OSMR: variants seen among roughly 807,000 people sequenced by gnomAD.
OSMR encodes the protein oncostatin M receptor, also known as oncostatin-M-specific receptor subunit beta.
OSMR carries 81 observed loss-of-function variants against 99.9 expected under a neutral mutation model. The observed-to-expected ratio is 0.81, with a 90% CI of 0.68 to 0.97. OSMR has a LOEUF of 0.97. Among genes scored for constraint, OSMR ranks in the 50% least tolerant of loss-of-function variants. OSMR has a pLI of 0.00. For missense variants in OSMR, 1,099 were observed against 1,153.4 expected (o/e 0.95, Z 0.68); for synonymous variants, 406 against 410.4 (o/e 0.99, Z 0.13).
intron 7 of OSMR, among the ~76,000 whole-genome samples, chr5:38,887,148 A>G (rs187635793): frequency 6.6e-6 from 1 of 152,292 alleles, no homozygotes; most frequent in African/African-American, 2.4e-5. Context: ...TATTCTTGAT[A>G]CTGATTGTTG....
At position 38,887,050 on chromosome 5, in the gene OSMR, A is replaced by T. The variant is rs1033811114; in HGVS notation, c.991+860A>T. ...TATTTCATGATAGTCTTGAGATTGA[A>T]TCTCATGAGTATTTTGGCCACATCT... On this transcript the variant is annotated intron_variant, in intron 7 of 17. Coordinates refer to ENST00000274276, the MANE Select transcript of OSMR (RefSeq NM_003999.3). Among the ~76,000 whole-genome samples, 5 of 152,148 alleles carry T rather than the reference A, an allele frequency of 3.3e-5. No homozygotes were observed. In the South Asian group the frequency reaches 8.3e-4, roughly 25 times the overall value.
chr5:38,904,824 A>G (rs1452033908), intron 9 of OSMR, among the ~76,000 whole-genome samples: 1 of 152,208 alleles, frequency 6.6e-6, no homozygotes, highest in Admixed American at 6.5e-5. Context: ...TTAATTCAGG[A>G]CAGTGGAAGT....
intron 7 of OSMR, among the ~76,000 whole-genome samples, chr5:38,891,469 G>A (rs930432720): frequency 2.0e-5 from 3 of 152,214 alleles, no homozygotes; most frequent in Non-Finnish European, 2.9e-5. Flanking sequence ...TACAAAGGAG[G>A]CAGCAGGCCC....
intron 1 of OSMR, chr5:38,941,419 A>C (rs1271976557): frequency 4.3e-6 from 1 of 231,906 alleles, no homozygotes; most frequent in Non-Finnish European, 8.5e-6. Context: ...AGTATTATTT[A>C]ATGCTTTCCT....
chr5:38,906,746 T>C (rs574841762), intron 9 of OSMR, among the ~76,000 whole-genome samples: 14 of 152,288 alleles, frequency 9.2e-5, no homozygotes, highest in Admixed American at 3.3e-4. Context: ...TGTCAATTAT[T>C]AGGCAAAAAA....
intron 2 of OSMR, 119 bp downstream of exon 2, chr5:38,869,236 G>T: frequency 1.2e-6 from 1 of 838,812 alleles, no homozygotes; most frequent in South Asian, 1.3e-5. Context: ...AAATTCCTGA[G>T]TATCTCCCAT....
chr5:38,936,461 CTG>C (rs1251010297), downstream of OSMR, among the ~76,000 whole-genome samples: 4 of 152,302 alleles, frequency 2.6e-5, no homozygotes, highest in African/African-American at 9.6e-5. Context: ...CGGTCCTCAC[CTG>C]TGTGTGGGGG....
At position 38,882,183 on chromosome 5, in the gene OSMR, C is replaced by T. The variant is rs79215370; in HGVS notation, c.418+419C>T. 9.2e-3 allele frequency among the ~76,000 whole-genome samples: 1,397 copies of T among 152,300 alleles called. 147 individuals carry two copies. The East Asian group carries it at 0.23, about 25-fold the overall frequency. On this transcript the variant is annotated intron_variant, in intron 4 of 17. Transcript: ENST00000274276. ...GATAGTATAAGCTTTTCAGAGCATA[C>T]AGTCGCTGTTGTGACTATTCAACTC...
chr5:38,927,419 C>T (rs1455696411), intron 15 of OSMR, among the ~76,000 whole-genome samples: 2 of 152,320 alleles, frequency 1.3e-5, no homozygotes, highest in East Asian at 3.9e-4. Flanking sequence ...GAAATCTAGG[C>T]GGAGGTTCCC....
In OSMR at chr5:38,876,348, T is replaced by C. The variant is rs777560622; in HGVS notation, c.221T>C (p.Ile74Thr). The C allele has an allele frequency of 1.2e-5, 20 of 1,613,478 alleles. No homozygotes were observed. Among genetic ancestry groups the C allele is most frequent in the African/African-American group, 4.0e-5 (3 of 74,896 alleles). Residue 74 changes from isoleucine to threonine, a missense_variant, in exon 3 of 18, where the codon ATT becomes ACT. Physicochemically the swap from Ile to Thr is moderately conservative, Grantham distance 89 (BLOSUM62 -1). Coordinates refer to ENST00000274276, the MANE Select transcript of OSMR (RefSeq NM_003999.3). ...GTATTTCAGATCCAGATCAGTAGGA[T>C]TGAAACATCCAATGTCATCTGGGTG... ...KMVFQIQISR[I>T]ETSNVIWVGN...
Position 38,933,136 on chromosome 5 carries a change from C to T in OSMR, c.2632C>T (p.Pro878Ser). The change falls in exon 18 of 18, where the codon CCA (proline) becomes TCA (serine). Residue 878 changes from proline (P) to serine (S), a missense_variant. By Grantham distance (74) the Pro-to-Ser change is moderately conservative. Coordinates refer to ENST00000274276, the MANE Select transcript of OSMR (RefSeq NM_003999.3). ...SGSCGHVPVS[P>S]KAPSMLGLMT... ...CTCTTGTGGCCATGTTCCAGTATCC[C>T]CAAAAGCCCCAAGTATGCTGGGACT... is the stretch of plus-strand genomic sequence containing the variant. The T allele has an allele frequency of 1.2e-6, 2 of 1,614,162 alleles. No homozygotes were observed. The highest frequency in any genetic ancestry group is 2.2e-5 in the South Asian group (2 of 91,088).
At chr5:38,858,986 A>G (rs948536184) in intron 1 of OSMR, among the ~76,000 whole-genome samples, 1 of 152,162 alleles carries the variant, frequency 6.6e-6, no homozygotes, top group East Asian at 1.9e-4. Context: ...AGTTCCTTGC[A>G]TATTCTGGAT....
chr5:38,904,582 T>A, intron 9 of OSMR, 79 bp downstream of exon 9: 2 of 1,552,114 alleles, frequency 1.3e-6, no homozygotes, highest in Non-Finnish European at 1.8e-6. Context: ...ATTTTGGTTG[T>A]ACCAAAAACT....
At chr5:38,908,291 A>G (rs112544869) in intron 9 of OSMR, among the ~76,000 whole-genome samples, 6 of 152,294 alleles carry the variant, frequency 3.9e-5, no homozygotes, top group African/African-American at 1.2e-4. Flanking sequence ...CACCACTGCC[A>G]GTACCAGTGC....
chr5:38,924,933 G>A (rs1248701159), intron 14 of OSMR: 1 of 190,046 alleles, frequency 5.3e-6, no homozygotes, highest in Admixed American at 6.6e-5. Context: ...CCCCTTGCAA[G>A]CTCTTACTGT....
intron 7 of OSMR, among the ~76,000 whole-genome samples, chr5:38,895,069 A>C (rs2112478328): frequency 6.6e-6 from 1 of 152,252 alleles, no homozygotes; most frequent in African/African-American, 2.4e-5. Flanking sequence ...GAGACATAAC[A>C]TACCAAAATC....
In OSMR at chr5:38,885,396, A is replaced by G. The variant is rs770452260; in HGVS notation, c.751A>G (p.Lys251Glu). ...KDFSCETEDFKTLHCTWDPGT... is the reference protein window; with the variant it reads ...KDFSCETEDFETLHCTWDPGT... The stretch of plus-strand genomic sequence containing the variant: ...CTTTTCTTGTGAAACCGAGGACTTC[A>G]AGACTTTGCACTGTACTTGGGATCC... Residue 251 changes from lysine to glutamate, a missense_variant, in exon 6 of 18, where the codon AAG (lysine) becomes GAG (glutamate). Coordinates refer to ENST00000274276, the MANE Select transcript of OSMR (RefSeq NM_003999.3). 8 of 1,613,774 alleles carry G rather than the reference A, an allele frequency of 5.0e-6. No homozygotes were observed. Among genetic ancestry groups the G allele is most frequent in the South Asian group, 2.2e-5 (2 of 91,078 alleles).
intron 7 of OSMR, among the ~76,000 whole-genome samples, chr5:38,888,994 A>AT (rs201589754): frequency 2.3e-4 from 34 of 150,382 alleles, no homozygotes; most frequent in Non-Finnish European, 4.0e-4. Context: ...TTATTGTTGC[A>AT]TTTTTTTTTC....
At chr5:38,865,148 A>G (rs924508513) in intron 1 of OSMR, among the ~76,000 whole-genome samples, 1 of 152,056 alleles carries the variant, frequency 6.6e-6, no homozygotes, top group African/African-American at 2.4e-5. Flanking sequence ...AATTGTCCTG[A>G]TTTCTTTGAA....
Sources: gnomAD v4.1 joint callset for allele counts (sites outside exome capture counted in the v4.1 genomes callset) on GRCh38, gnomAD v4.1.1 for gene constraint, MANE v1.5 for transcripts, NCBI Gene and HGNC (gene_info 2026-07-23, HGNC 2026-07-21) for gene names.